Variants in ZNF385D observed in about 807,000 individuals in gnomAD.
ZNF385D encodes zinc finger protein 385D, also known as zinc finger protein 659.
A neutral mutation model predicts 35.8 loss-of-function variants in ZNF385D; 15 were observed. The observed-to-expected ratio is 0.42, with a 90% CI of 0.28 to 0.64. ZNF385D has a LOEUF of 0.64. ZNF385D is among the 30% of genes least tolerant of loss of function. The pLI, the probability that ZNF385D is intolerant of heterozygous loss-of-function variation, is 0.23. For synonymous variants in ZNF385D, 212 were observed against 186.8 expected (o/e 1.13, Z -1.10); for missense variants, 474 against 494.6 (o/e 0.96, Z 0.39).
At chr3:21,911,867 T>C (rs557397094) in intron 3 of ZNF385D, among the ~76,000 whole-genome samples, 39 of 152,056 alleles carry the variant, frequency 2.6e-4, no homozygotes, top group Middle Eastern at 3.4e-3. Context: ...TATAGTATAA[T>C]CACTTTTGTT....
intron 3 of ZNF385D, among the ~76,000 whole-genome samples, chr3:22,057,251 T>C (rs1489941324): frequency 1.3e-5 from 2 of 152,190 alleles, no homozygotes; most frequent in African/African-American, 4.8e-5. Flanking sequence ...GTTTATGAAA[T>C]AGAAATTACA....
chr3:22,141,424 ACT>A (rs1704497520), intron 3 of ZNF385D, among the ~76,000 whole-genome samples: 1 of 152,200 alleles, frequency 6.6e-6, no homozygotes, highest in African/African-American at 2.4e-5. Flanking sequence ...TCACACTTAC[ACT>A]GTTATAAATC....
At chr3:22,069,002 T>C (rs547873979) in intron 3 of ZNF385D, among the ~76,000 whole-genome samples, 2 of 152,326 alleles carry the variant, frequency 1.3e-5, no homozygotes, top group East Asian at 3.9e-4. Context: ...AGCTTTAACC[T>C]TGTTTTCATG....
intron 2 of ZNF385D, among the ~76,000 whole-genome samples, chr3:21,643,858 C>T (rs753229005): frequency 1.3e-5 from 2 of 152,068 alleles, no homozygotes; most frequent in Non-Finnish European, 2.9e-5. Flanking sequence ...TCCAAAACTG[C>T]AGAAAGTTCT....
chr3:22,330,878 T>C (rs554242959), intron 2 of ZNF385D, among the ~76,000 whole-genome samples: 1 of 152,342 alleles, frequency 6.6e-6, no homozygotes, highest in African/African-American at 2.4e-5. Flanking sequence ...GCAACCTATC[T>C]CCAAATTTAG....
At chr3:22,020,722 T>C (rs899392399) in intron 3 of ZNF385D, among the ~76,000 whole-genome samples, 5 of 151,940 alleles carry the variant, frequency 3.3e-5, no homozygotes, top group Admixed American at 6.6e-5. Flanking sequence ...TATGGAGATT[T>C]CTCCAAGAAC....
At chr3:21,712,572 T>G (rs2125418653) in intron 1 of ZNF385D, among the ~76,000 whole-genome samples, 1 of 152,336 alleles carries the variant, frequency 6.6e-6, no homozygotes, top group South Asian at 2.1e-4. Flanking sequence ...AGTCTGTCAC[T>G]TGTAACACCG....
intron 3 of ZNF385D, chr3:21,878,021 C>T (rs1698073459): frequency 6.6e-6 from 1 of 151,982 alleles, no homozygotes. Context: ...TAAATATATT[C>T]TTCCATTTTA....
At chr3:22,182,111 C>T (rs1695321311) in intron 2 of ZNF385D, among the ~76,000 whole-genome samples, 2 of 152,052 alleles carry the variant, frequency 1.3e-5, no homozygotes, top group Admixed American at 1.3e-4. Context: ...GACTACTGCT[C>T]CTCAGAAATT....
intron 4 of ZNF385D, among the ~76,000 whole-genome samples, chr3:21,457,700 C>G (rs1357450437): frequency 1.3e-5 from 2 of 152,082 alleles, no homozygotes; most frequent in Non-Finnish European, 2.9e-5. Context: ...TTTCCAACAG[C>G]CTTCCAGCTC....
At chr3:22,334,889 T>TAC (rs1450658413) in intron 2 of ZNF385D, among the ~76,000 whole-genome samples, 1 of 152,148 alleles carries the variant, frequency 6.6e-6, no homozygotes, top group East Asian at 1.9e-4. Flanking sequence ...CTTCAAATAT[T>TAC]ACTTCTTGGA....
intron 3 of ZNF385D, among the ~76,000 whole-genome samples, chr3:21,923,173 T>C (rs1268035037): frequency 6.6e-6 from 1 of 151,988 alleles, no homozygotes. Flanking sequence ...CCTAATGCTA[T>C]CCCTCCCCCA....
intron 2 of ZNF385D, among the ~76,000 whole-genome samples, chr3:21,609,910 A>T (rs1397525742): frequency 6.6e-6 from 1 of 152,180 alleles, no homozygotes; most frequent in Non-Finnish European, 1.5e-5. Flanking sequence ...GGGTATTTAA[A>T]TTCCTCCTTC....
chr3:21,983,668 G>C (rs62248413), intron 3 of ZNF385D, among the ~76,000 whole-genome samples: 21,933 of 75,712 alleles, frequency 0.29, 5,148 homozygotes, highest in African/African-American at 0.67. Flanking sequence ...ATAGTCATTT[G>C]GGTATATACC....
chr3:22,200,880 A>G lies in ZNF385D; in HGVS notation c.107-31845T>C, dbSNP rs181654833. Among the ~76,000 whole-genome samples, 1,092 of 152,256 alleles carry G rather than the reference A, an allele frequency of 7.2e-3. 8 individuals carry two copies. The highest frequency in any genetic ancestry group is 0.024 in the African/African-American group (1,014 of 41,566). Reference sequence around the variant, plus strand: ...ATGGCTCTGTTCCACCTGGCTCACCAGCGGTCAGAGTGTAAGGTTATCTCT... The same window carrying G: ...ATGGCTCTGTTCCACCTGGCTCACCGGCGGTCAGAGTGTAAGGTTATCTCT... On this transcript the variant is annotated intron_variant, in intron 2 of 5. Coordinates refer to the ZNF385D transcript ENST00000494108.
At chr3:21,578,998 TAG>T (rs1352031916) in intron 2 of ZNF385D, among the ~76,000 whole-genome samples, 7 of 152,226 alleles carry the variant, frequency 4.6e-5, no homozygotes, top group African/African-American at 9.6e-5. Context: ...CATCAGCACT[TAG>T]AGTCTTAGTT....
chr3:21,962,464 G>C (rs1256915882), intron 3 of ZNF385D, among the ~76,000 whole-genome samples: 1 of 152,182 alleles, frequency 6.6e-6, no homozygotes, highest in Non-Finnish European at 1.5e-5. Context: ...TCATAGCAGA[G>C]GTGTCAAGCA....
chr3:21,648,934 T>C (rs2065832367), intron 2 of ZNF385D, among the ~76,000 whole-genome samples: 1 of 152,094 alleles, frequency 6.6e-6, no homozygotes, highest in Non-Finnish European at 1.5e-5. Flanking sequence ...CCATTTTACA[T>C]GTGAGAAAAC....
chr3:21,998,018 CA>C (rs1695591004), intron 3 of ZNF385D, among the ~76,000 whole-genome samples: 1 of 151,826 alleles, frequency 6.6e-6, no homozygotes, highest in Admixed American at 6.6e-5. Context: ...ACCAGCCAGC[CA>C]AAACCAGCCA....
Sources: gnomAD v4.1 joint callset for allele counts (sites outside exome capture counted in the v4.1 genomes callset) on GRCh38, gnomAD v4.1.1 for gene constraint, MANE v1.5 for transcripts, NCBI Gene and HGNC (gene_info 2026-07-23, HGNC 2026-07-21) for gene names.